Variants in STX10 observed in about 807,000 individuals in gnomAD.
STX10 encodes the protein syntaxin-10.
Under a neutral mutation model 34.1 loss-of-function variants are expected in STX10, and 35 were observed. The ratio of observed to expected loss-of-function variants is 1.03; its 90% CI spans 0.78 to 1.36. The LOEUF (loss-of-function observed/expected upper bound fraction) is 1.36. STX10 is among the 40% of genes most tolerant of loss of function. The pLI is 0.00. For missense variants in STX10, 361 were observed against 335.5 expected (o/e 1.08, Z -0.59); for synonymous variants, 155 against 132.9 (o/e 1.17, Z -1.15).
chr19:13,145,478 C>CA, intron 4 of STX10, 83 bp from the exon 5 acceptor site: 4 of 1,163,776 alleles, frequency 3.4e-6, no homozygotes, highest in Non-Finnish European at 5.0e-6. Flanking sequence ...GGTGGTAAGT[C>CA]AGGGGGGCAG....
Position 13,149,605 on chromosome 19 carries a change from G to C in STX10, c.206-12C>G. 1.9e-6 allele frequency: 3 copies of C among 1,613,948 alleles called. No homozygotes were observed. Among genetic ancestry groups the C allele is most frequent in the Non-Finnish European group, 2.5e-6 (3 of 1,179,932 alleles). On this transcript the variant is annotated splice_polypyrimidine_tract_variant and intron_variant, in intron 2 of 7. Transcript: ENST00000587230. ...GGCTTCCACTATACGTGGGCTGAGAGTCAAGGGTCAAGGCCGGAGCCAGAT... is the reference window on the plus strand; with the variant it reads ...GGCTTCCACTATACGTGGGCTGAGACTCAAGGGTCAAGGCCGGAGCCAGAT...
rs1475486231 is a variant in STX10 at position 13,150,039 on chromosome 19, C to T, written c.35+100G>A. Reference sequence around the variant, plus strand: ...GTGCGCCTCCCACTCTGCACCCCGACGGCCTTGCCCAGCCCGCCGGGCACG... The same window carrying T: ...GTGCGCCTCCCACTCTGCACCCCGATGGCCTTGCCCAGCCCGCCGGGCACG... On this transcript the variant is annotated intron_variant, in intron 1 of 7. Coordinates refer to ENST00000587230, the MANE Select transcript of STX10 (RefSeq NM_003765.3). The surrounding 1 kb of genome is among the most constrained non-coding windows in gnomAD (Gnocchi z 4.0). The T allele has an allele frequency of 4.6e-6, 6 of 1,300,330 alleles. No individual in the cohort carries two copies. The highest frequency in any genetic ancestry group is 6.5e-6 in the Non-Finnish European group (6 of 920,002). The allele number at this position is 1,300,330 out of a possible 1,614,324, so 80.5% of individuals were successfully genotyped here. A position where few individuals can be genotyped will look rare whatever the true frequency, so the allele number is the denominator to read the frequency against.
chr19:13,148,898 G>A (rs2019975117), intron 4 of STX10, 131 bp downstream of exon 4: 1 of 692,472 alleles, frequency 1.4e-6, no homozygotes, highest in Non-Finnish European at 2.5e-6. Context: ...CAGGCAGGTA[G>A]ACAGCAAGAA....
chr19:13,144,845 T>A lies in STX10; in HGVS notation c.497A>T (p.Gln166Leu), dbSNP rs765646941. Residue 166 changes from glutamine to leucine, a missense_variant, in exon 6 of 8, where the codon CAG becomes CTG. Coordinates refer to ENST00000587230, the MANE Select transcript of STX10 (RefSeq NM_003765.3). ...QQLIMDEQDQ[Q>L]LEMVSGSIQV... Reference sequence around the variant, plus strand: ...GATGCTCCCAGACACCATCTCCAGCTGTTGATCCTGTTCATCCATGATCAG... The same window carrying A: ...GATGCTCCCAGACACCATCTCCAGCAGTTGATCCTGTTCATCCATGATCAG... 1.9e-6 allele frequency: 3 copies of A among 1,613,872 alleles called. No individual in the cohort carries two copies. The highest frequency in any genetic ancestry group is 2.5e-6 in the Non-Finnish European group (3 of 1,179,972).
chr19:13,147,876 A>C (rs1221443525), intron 4 of STX10, among the ~76,000 whole-genome samples: 3 of 130,792 alleles, frequency 2.3e-5, no homozygotes, highest in Non-Finnish European at 4.8e-5. Flanking sequence ...CCTGGGCGAC[A>C]GAGCAACACT....
Position 13,144,448 on chromosome 19 carries a change from C to T in STX10, c.712G>A (p.Val238Met). 6.2e-7 allele frequency: 1 copy of T among 1,612,874 alleles called. No homozygotes were observed. Among genetic ancestry groups the T allele is most frequent in the Non-Finnish European group, 8.5e-7 (1 of 1,179,714 alleles). ...AGTAAGATGAGAACGAGGAGAAGCA[C>T]CCCCACTAGCACGGCGATGGCACAC... ...QWCAIAVLVG[V>M]LLLVLILLFS... Residue 238 changes from valine (V) to methionine (M), a missense_variant, in exon 8 of 8, where the codon GTG becomes ATG. Transcript: ENST00000587230.
chr19:13,144,597 T>C lies in STX10; in HGVS notation c.653A>G (p.Lys218Arg). Residue 218 changes from lysine to arginine, a missense_variant, in exon 7 of 8, where the codon AAA (lysine) becomes AGA (arginine). Coordinates refer to ENST00000587230, the MANE Select transcript of STX10 (RefSeq NM_003765.3). ...RMDGVLRKLA[K>R]VSHMTSDRRQ... ...CTCACCACTCGTCATGTGGGATACTTTGGCCAACTTCCTGAGGACCCCGTC... is the reference window on the plus strand; with the variant it reads ...CTCACCACTCGTCATGTGGGATACTCTGGCCAACTTCCTGAGGACCCCGTC... 2 of 1,614,094 alleles carry C rather than the reference T, an allele frequency of 1.2e-6. No individual in the cohort carries two copies. The highest frequency in any genetic ancestry group is 2.7e-5 in the African/African-American group (2 of 75,032).
At chr19:13,144,969 C>T in intron 5 of STX10, 99 bp from the exon 6 acceptor site, 2 of 1,104,736 alleles carry the variant, frequency 1.8e-6, no homozygotes, top group Non-Finnish European at 2.6e-6. Context: ...GAGGCCGAGA[C>T]AGGCGGATCA....
intron 4 of STX10, among the ~76,000 whole-genome samples, chr19:13,147,559 A>T (rs1287289372): frequency 1.3e-5 from 2 of 150,426 alleles, no homozygotes; most frequent in Non-Finnish European, 3.0e-5. Flanking sequence ...AGGTCAGGAG[A>T]TCAAGACCAT....
intron 1 of STX10, 48 bp from the exon 2 acceptor site, chr19:13,149,945 C>T (rs924211772): frequency 3.3e-6 from 5 of 1,526,628 alleles, no homozygotes; most frequent in South Asian, 1.2e-5. Context: ...GCGGTCCTCC[C>T]GCCTGCCTCT....
Position 13,144,627 on chromosome 19 carries a change from CGGGACT to C in STX10, c.617_622del (p.Gln206_Ser207del). 6.2e-7 allele frequency: 1 copy of C among 1,614,120 alleles called. No individual in the cohort carries two copies. Among genetic ancestry groups the C allele is most frequent in the South Asian group, 1.1e-5 (1 of 91,084 alleles). On this transcript the variant is annotated inframe_deletion, in exon 7 of 8. Transcript: ENST00000587230. ...CAACTTCCTGAGGACCCCGTCCATG[CGGGACT>C]GGGTGTGGTCCATCTCTTGGGCGAA... is the stretch of plus-strand genomic sequence containing the variant.
At chr19:13,146,840 T>A (rs1409239500) in intron 4 of STX10, among the ~76,000 whole-genome samples, 1 of 151,894 alleles carries the variant, frequency 6.6e-6, no homozygotes, top group African/African-American at 2.4e-5. Context: ...CGTGCCCGGC[T>A]CCAACAGATG....
chr19:13,145,195 TATC>T, intron 5 of STX10, 90 bp downstream of exon 5: 1 of 1,231,834 alleles, frequency 8.1e-7, no homozygotes, highest in Non-Finnish European at 1.1e-6. Flanking sequence ...CGAAACTCCA[TATC>T]AACAACAACA....
chr19:13,149,041 C>T lies in STX10; in HGVS notation c.351G>A (p.Arg117=). ...CAGGAAGGCTTACCTCTCTGTTATTCCTCTCCAAAAATGCTACGGCTGTTG... is the reference window on the plus strand; with the variant it reads ...CAGGAAGGCTTACCTCTCTGTTATTTCTCTCCAAAAATGCTACGGCTGTTG... ...VSPTAVAFLE[R]NNREILAGKP... The change falls in exon 4 of 8, where the codon AGG becomes AGA. Residue 117 remains arginine, a synonymous_variant. Coordinates refer to ENST00000587230, the MANE Select transcript of STX10 (RefSeq NM_003765.3). 1 of 1,603,102 alleles carries T rather than the reference C, an allele frequency of 6.2e-7. No homozygotes were observed. The highest frequency in any genetic ancestry group is 8.5e-7 in the Non-Finnish European group (1 of 1,174,674).
At position 13,144,812 on chromosome 19, in the gene STX10, A is replaced by G. The variant is rs370993045; in HGVS notation, c.530T>C (p.Leu177Pro). ...TCCAACGCGGCCGGACATGTGCTTC[A>G]GAACCTGGATGCTCCCAGACACCAT... Reference protein sequence around the residue: ...LEMVSGSIQVLKHMSGRVGEE... With the variant: ...LEMVSGSIQVPKHMSGRVGEE... Residue 177 changes from leucine (L) to proline (P), a missense_variant, in exon 6 of 8, where the codon CTG (leucine) becomes CCG (proline). Coordinates refer to ENST00000587230, the MANE Select transcript of STX10 (RefSeq NM_003765.3). 1.1e-5 allele frequency: 17 copies of G among 1,613,978 alleles called. No homozygotes were observed. The highest frequency in any genetic ancestry group is 2.2e-5 in the South Asian group (2 of 91,072).
rs1379127782 is a variant in STX10, at chr19:13,144,874, C to G, written c.472-4G>C. ...GATCCTGTTCATCCATGATCAGCTG[C>G]AGAGCGAAGGGGTGGGAGATGCTGT... On this transcript the variant is annotated splice_region_variant and splice_polypyrimidine_tract_variant and intron_variant, in intron 5 of 7. Coordinates refer to ENST00000587230, the MANE Select transcript of STX10 (RefSeq NM_003765.3). 2 of 1,611,026 alleles carry G rather than the reference C, an allele frequency of 1.2e-6. No homozygotes were observed. The highest frequency in any genetic ancestry group is 8.5e-7 in the Non-Finnish European group (1 of 1,178,924).
intron 4 of STX10, among the ~76,000 whole-genome samples, chr19:13,145,761 C>T (rs577869255): frequency 2.0e-5 from 3 of 151,988 alleles, no homozygotes; most frequent in East Asian, 1.9e-4. Flanking sequence ...CACAGTGGCT[C>T]ACACCTGTAA....
In STX10 at chr19:13,149,024, C is replaced by T; in HGVS notation, c.363+5G>A. The T allele has an allele frequency of 1.2e-6, 2 of 1,600,048 alleles. No individual in the cohort carries two copies. Among genetic ancestry groups the T allele is most frequent in the Non-Finnish European group, 1.7e-6 (2 of 1,173,032 alleles). On this transcript the variant is annotated splice_donor_5th_base_variant and intron_variant, in intron 4 of 7. Coordinates refer to ENST00000587230, the MANE Select transcript of STX10 (RefSeq NM_003765.3). ...AGGTGGGCAGGGTGGGTCAGGAAGGCTTACCTCTCTGTTATTCCTCTCCAA... is the reference window on the plus strand; with the variant it reads ...AGGTGGGCAGGGTGGGTCAGGAAGGTTTACCTCTCTGTTATTCCTCTCCAA...
Position 13,149,757 on chromosome 19 carries a change from C to T in STX10, c.176G>A (p.Trp59Ter). Residue 59 changes from tryptophan (W) to a stop codon, truncating the protein, a stop_gained, in exon 2 of 8, where the codon TGG becomes TAG. Transcript: ENST00000587230. LOFTEE classifies it high-confidence loss of function. ...GGTCTCTTCCAGGTCCTCGAGGTCC[C>T]ACTCGATGCTGCGCAGGCCATTCCG... The part of the protein sequence containing the change: ...ELRNGLRSIE[W>*]DLEDLEETIG... The T allele has an allele frequency of 6.2e-7, 1 of 1,614,076 alleles. No homozygotes were observed. The highest frequency in any genetic ancestry group is 8.5e-7 in the Non-Finnish European group (1 of 1,179,938).
Sources: allele counts gnomAD v4.1 joint callset (sites outside exome capture counted in the v4.1 genomes callset), GRCh38; gene constraint gnomAD v4.1.1; non-coding constraint Gnocchi (gnomAD v3.1); transcripts MANE v1.5; gene names NCBI Gene and HGNC (gene_info 2026-07-23, HGNC 2026-07-21).